The following PRKCE variants were observed in gnomAD, a reference collection of about 807,000 sequenced individuals.
The protein encoded by PRKCE is protein kinase C epsilon.
A neutral mutation model predicts 85.4 loss-of-function variants in PRKCE; 16 were observed. That is an observed-to-expected ratio of 0.19 (90% confidence interval 0.13 to 0.28). The LOEUF (loss-of-function observed/expected upper bound fraction) is 0.28, where lower values mean the gene tolerates loss of function less well. Among genes scored for constraint, PRKCE ranks in the 10% least tolerant of loss-of-function variants. The pLI is 1.00. For missense variants in PRKCE, 573 were observed against 975.2 expected, an observed-to-expected ratio of 0.59 and a Z score of 5.49; for synonymous variants, 388 against 371.5, an observed-to-expected ratio of 1.04 and a Z score of -0.51.
At chr2:45,782,960 C>G (rs1249947562) in intron 1 of PRKCE, among the ~76,000 whole-genome samples, 3 of 152,150 alleles carry the variant, frequency 2.0e-5, no homozygotes. Context: ...GGTACTTCCT[C>G]TATATTATTT....
intron 2 of PRKCE, among the ~76,000 whole-genome samples, chr2:45,918,840 G>A (rs1386995167): frequency 6.6e-6 from 1 of 152,234 alleles, no homozygotes; most frequent in Non-Finnish European, 1.5e-5. Context: ...GTATTTTGCA[G>A]AAGCCCAAAG....
intron 2 of PRKCE, among the ~76,000 whole-genome samples, chr2:45,923,904 A>C (rs570028073): frequency 6.6e-6 from 1 of 152,238 alleles, no homozygotes. Context: ...GAGAAACCAC[A>C]CTGGCCAGAG....
intron 1 of PRKCE, among the ~76,000 whole-genome samples, chr2:45,820,356 G>T (rs1469466628): frequency 6.6e-6 from 1 of 152,126 alleles, no homozygotes; most frequent in Non-Finnish European, 1.5e-5. Flanking sequence ...GATCGAGAGG[G>T]TAATAGATTC....
At position 46,155,022 on chromosome 2, in the gene PRKCE, C is replaced by T. The variant is rs1677061531; in HGVS notation, c.1920+3793C>T. 6.6e-6 allele frequency among the ~76,000 whole-genome samples: 1 copy of T among 152,050 alleles called. No homozygotes were observed. The highest frequency in any genetic ancestry group is 2.4e-5 in the African/African-American group (1 of 41,364). On this transcript the variant is annotated intron_variant, in intron 13 of 14. Coordinates refer to ENST00000306156, the MANE Select transcript of PRKCE (RefSeq NM_005400.3). This position sits in a 1 kb window ranked among gnomAD's most constrained non-coding sequence, Gnocchi z 4.7. ...AACAGCTCTTAGCTCTCTGTTCTTTCCATTTTATCACATATTTCAAAGTTA... is the reference window on the plus strand; with the variant it reads ...AACAGCTCTTAGCTCTCTGTTCTTTTCATTTTATCACATATTTCAAAGTTA...
chr2:46,127,793 G>T (rs779589337), intron 11 of PRKCE, among the ~76,000 whole-genome samples: 12 of 152,234 alleles, frequency 7.9e-5, no homozygotes, highest in African/African-American at 2.9e-4. Context: ...TAAAGAATTT[G>T]CTGGAAAGAC....
At chr2:45,673,303 G>A (rs1572901348) in intron 1 of PRKCE, among the ~76,000 whole-genome samples, 2 of 152,154 alleles carry the variant, frequency 1.3e-5, no homozygotes, top group South Asian at 2.1e-4. Context: ...ACTCAAAAAC[G>A]AATGCCATAA....
chr2:46,079,967 G>C (rs931316237), intron 10 of PRKCE, among the ~76,000 whole-genome samples: 9 of 152,138 alleles, frequency 5.9e-5, no homozygotes, highest in African/African-American at 2.2e-4. Context: ...TATTTTACTT[G>C]CTATCACAAG....
chr2:45,885,001 A>ATATTTTTTTTTTTTT (rs1342824133), intron 2 of PRKCE, among the ~76,000 whole-genome samples: 8 of 71,534 alleles, frequency 1.1e-4, no homozygotes, highest in East Asian at 5.0e-4. Flanking sequence ...ATATATATAT[A>ATATTTTTTTTTTTTT]TTTGTTGTTG....
In PRKCE at chr2:45,933,519, G is replaced by A. The variant is rs1408481942; in HGVS notation, c.413-42910G>A. The stretch of plus-strand genomic sequence containing the variant: ...GACTGAGTCTCGCTCTGCCGCCCAG[G>A]CTGGAGTGCAGTGGCGCGATCTCGG... On this transcript the variant is annotated intron_variant, in intron 2 of 14. Coordinates refer to ENST00000306156, the MANE Select transcript of PRKCE (RefSeq NM_005400.3). Among the ~76,000 whole-genome samples the A allele has an allele frequency of 1.6e-5, 2 of 128,658 alleles. 1 individual carries two copies. Among genetic ancestry groups the A allele is most frequent in the Non-Finnish European group, 3.1e-5 (2 of 64,174 alleles). The allele number at this position is 128,658 out of a possible 152,430, so 84.4% of individuals were successfully genotyped here.
At chr2:45,669,229 G>A (rs1676045889) in intron 1 of PRKCE, among the ~76,000 whole-genome samples, 1 of 152,114 alleles carries the variant, frequency 6.6e-6, no homozygotes, top group South Asian at 2.1e-4. Context: ...TATTTTAAGG[G>A]GAAAAGGGGA....
At chr2:45,873,789 C>G (rs947036877) in intron 2 of PRKCE, among the ~76,000 whole-genome samples, 1 of 152,244 alleles carries the variant, frequency 6.6e-6, no homozygotes, top group African/African-American at 2.4e-5. Flanking sequence ...CTGTGAGCCT[C>G]AACCTGTCTT....
intron 11 of PRKCE, among the ~76,000 whole-genome samples, chr2:46,100,905 G>C (rs996429037): frequency 4.6e-5 from 7 of 151,588 alleles, no homozygotes; most frequent in African/African-American, 1.7e-4. Context: ...ATCTCGCTCT[G>C]TCACCCATGC....
intron 2 of PRKCE, among the ~76,000 whole-genome samples, chr2:45,949,955 G>C (rs925801852): frequency 2.0e-5 from 3 of 150,592 alleles, no homozygotes; most frequent in African/African-American, 7.3e-5. Context: ...TGCTTTTTTG[G>C]CCATTTTTCT....
At chr2:45,940,014 G>A (rs1417437701) in intron 2 of PRKCE, among the ~76,000 whole-genome samples, 2 of 152,214 alleles carry the variant, frequency 1.3e-5, no homozygotes, top group East Asian at 3.8e-4. Context: ...TTCCAGTACA[G>A]CCTCAGAGAG....
At chr2:45,723,973 T>TG (rs1680843543) in intron 1 of PRKCE, among the ~76,000 whole-genome samples, 2 of 152,244 alleles carry the variant, frequency 1.3e-5, no homozygotes, top group African/African-American at 4.8e-5. Context: ...GAGGAGACCC[T>TG]GCTTTCAGCT....
chr2:46,065,842 A>G (rs1331444959), intron 10 of PRKCE, among the ~76,000 whole-genome samples: 3 of 151,866 alleles, frequency 2.0e-5, no homozygotes, highest in Non-Finnish European at 4.4e-5. Flanking sequence ...TTTAAAAAAT[A>G]GAATGGATCA....
intron 11 of PRKCE, among the ~76,000 whole-genome samples, chr2:46,087,142 T>G (rs890897520): frequency 2.1e-5 from 3 of 140,906 alleles, no homozygotes; most frequent in Non-Finnish European, 4.6e-5. Context: ...TTTATTTTAT[T>G]TTATTCTATT....
chr2:46,086,955 C>T (rs1669703285), intron 11 of PRKCE, among the ~76,000 whole-genome samples: 1 of 152,156 alleles, frequency 6.6e-6, no homozygotes, highest in Admixed American at 6.5e-5. Context: ...CACGTCCACA[C>T]ACACATGCAC....
intron 11 of PRKCE, among the ~76,000 whole-genome samples, chr2:46,112,883 T>A (rs1672407967): frequency 6.6e-6 from 1 of 152,302 alleles, no homozygotes; most frequent in African/African-American, 2.4e-5. Flanking sequence ...TCTTTTTTGT[T>A]GCTTTTTTAC....
Sources: allele counts gnomAD v4.1 joint callset (sites outside exome capture counted in the v4.1 genomes callset), GRCh38; gene constraint gnomAD v4.1.1; non-coding constraint Gnocchi (gnomAD v3.1); transcripts MANE v1.5; gene names NCBI Gene and HGNC (gene_info 2026-07-23, HGNC 2026-07-21).